CPEB4: variants seen among roughly 807,000 people sequenced by gnomAD.
The protein encoded by CPEB4 is cytoplasmic polyadenylation element-binding protein 4.
In CPEB4, 12 loss-of-function variants were observed where a neutral mutation model predicts 72.5. The observed-to-expected ratio is 0.17, with a 90% CI of 0.11 to 0.27. The LOEUF is 0.27. CPEB4 is among the 10% of genes least tolerant of loss of function. CPEB4 has a pLI of 1.00. For missense variants in CPEB4, 614 were observed against 908.5 expected (o/e 0.68, Z 4.17); for synonymous variants, 302 against 326.3 (o/e 0.93, Z 0.80).
chr5:173,944,979 T>C lies in CPEB4; in HGVS notation c.1295T>C (p.Leu432Pro). The stretch of plus-strand genomic sequence containing the variant: ...CTTTCTATTCCAGGTCAGTCTTCAC[T>C]GTTTCCAATGGAAGATGGATTCTTG... ...TYGRRRGQSS[L>P]FPMEDGFLDD... Residue 432 changes from leucine to proline, a missense_variant, in exon 5 of 10, where the codon CTG becomes CCG. By Grantham distance (98) the Leu-to-Pro change is moderately conservative. Transcript: ENST00000265085. The C allele has an allele frequency of 1.2e-6, 2 of 1,612,684 alleles. No individual in the cohort carries two copies. Among genetic ancestry groups the C allele is most frequent in the Non-Finnish European group, 1.7e-6 (2 of 1,178,988 alleles).
chr5:173,909,577 A>T (rs967645906), intron 1 of CPEB4, among the ~76,000 whole-genome samples: 1 of 152,044 alleles, frequency 6.6e-6, no homozygotes, highest in African/African-American at 2.4e-5. Flanking sequence ...ATTTTTTTTC[A>T]ACTTTCTATA....
At chr5:173,926,791 G>A (rs1216242405) in intron 2 of CPEB4, among the ~76,000 whole-genome samples, 1 of 152,196 alleles carries the variant, frequency 6.6e-6, no homozygotes, top group African/African-American at 2.4e-5. Context: ...AAATCCTAAT[G>A]CCTTCCTTCT....
In CPEB4 at chr5:173,944,994, A is replaced by G. The variant is rs777103530; in HGVS notation, c.1310A>G (p.Asp437Gly). 1.2e-6 allele frequency: 2 copies of G among 1,612,738 alleles called. No individual in the cohort carries two copies. Among genetic ancestry groups the G allele is most frequent in the African/African-American group, 2.7e-5 (2 of 74,852 alleles). ...CAGTCTTCACTGTTTCCAATGGAAGATGGATTCTTGGATGATGGCCGTGGG... is the reference window on the plus strand; with the variant it reads ...CAGTCTTCACTGTTTCCAATGGAAGGTGGATTCTTGGATGATGGCCGTGGG... ...RGQSSLFPME[D>G]GFLDDGRGDQ... The change falls in exon 5 of 10, where the codon GAT becomes GGT. Residue 437 changes from aspartate to glycine, a missense_variant. Transcript: ENST00000265085.
In CPEB4 at chr5:173,900,624, A is replaced by T. The variant is rs1198884775; in HGVS notation, c.1125+9766A>T. Among the ~76,000 whole-genome samples the T allele has an allele frequency of 6.6e-6, 1 of 152,224 alleles. No individual in the cohort carries two copies. The highest frequency in any genetic ancestry group is 1.5e-5 in the Non-Finnish European group (1 of 68,034). On this transcript the variant is annotated intron_variant, in intron 1 of 9. Transcript: ENST00000265085. This position sits in a 1 kb window ranked among gnomAD's most constrained non-coding sequence, Gnocchi z 4.4. ...TATTAGGGAGAAGTCTTATACTGAT[A>T]GTTTTGGGGTCATAGGTTTGAACAT...
chr5:173,909,278 T>G (rs1756553347), intron 1 of CPEB4, among the ~76,000 whole-genome samples: 1 of 152,242 alleles, frequency 6.6e-6, no homozygotes, highest in African/African-American at 2.4e-5. Context: ...TTTTGCTTTC[T>G]CATCTAAATT....
At chr5:173,942,911 T>G in intron 3 of CPEB4, 115 bp from the exon 4 acceptor site, 1 of 1,004,982 alleles carries the variant, frequency 1.0e-6, no homozygotes, top group Non-Finnish European at 1.5e-6. Context: ...AAGAATATAG[T>G]CACAGTTTTT....
chr5:173,919,149 G>A (rs1756987229), intron 2 of CPEB4, among the ~76,000 whole-genome samples: 1 of 152,082 alleles, frequency 6.6e-6, no homozygotes, highest in African/African-American at 2.4e-5. Flanking sequence ...TTAACTATGT[G>A]TGGTAGATAA....
chr5:173,896,549 G>C (rs1016789675), intron 1 of CPEB4, among the ~76,000 whole-genome samples: 1 of 152,122 alleles, frequency 6.6e-6, no homozygotes, highest in Non-Finnish European at 1.5e-5. Flanking sequence ...ATTGAGAAAG[G>C]CTATTTTGTG....
In CPEB4 at chr5:173,888,423, GGCGGCGGCAGCAGCGGCGACA is replaced by G. The variant is rs1191835412; in HGVS notation, c.-1308_-1288del. ...GGCACCGGGAGGCGGTGGCGGCGGC[GGCGGCGGCAGCAGCGGCGACA>G]GCAGAGGAGGAAGAGGAGGAAGAAG... On this transcript the variant is annotated 5_prime_UTR_variant, in exon 1 of 10. Transcript: ENST00000265085. This position sits in a 1 kb window ranked among gnomAD's most constrained non-coding sequence, Gnocchi z 4.3. The G allele has an allele frequency of 1.1e-5, 5 of 461,050 alleles. No homozygotes were observed. The East Asian group carries it at 1.7e-4, about 16-fold the overall frequency. The allele number at this position is 461,050 out of a possible 1,614,324, so 28.6% of individuals were successfully genotyped here. A position where few individuals can be genotyped will look rare whatever the true frequency, so the allele number is the denominator to read the frequency against.
intron 2 of CPEB4, among the ~76,000 whole-genome samples, chr5:173,926,495 T>A (rs1479051576): frequency 6.6e-6 from 1 of 152,208 alleles, no homozygotes; most frequent in East Asian, 1.9e-4. Flanking sequence ...CTTTTCTAGG[T>A]TGTAGGATTT....
intron 5 of CPEB4, among the ~76,000 whole-genome samples, chr5:173,946,820 A>G (rs1581165670): frequency 6.6e-6 from 1 of 152,276 alleles, no homozygotes; most frequent in Non-Finnish European, 1.5e-5. Flanking sequence ...TACAACTTCC[A>G]TGTTATACTG....
chr5:173,951,032 C>T (rs754635732), intron 7 of CPEB4, among the ~76,000 whole-genome samples: 2 of 152,154 alleles, frequency 1.3e-5, no homozygotes, highest in African/African-American at 4.8e-5. Flanking sequence ...TGGAGCTTCT[C>T]CTGAAGTCTT....
chr5:173,931,006 A>G (rs1029512555), intron 2 of CPEB4, among the ~76,000 whole-genome samples: 1 of 151,922 alleles, frequency 6.6e-6, no homozygotes, highest in African/African-American at 2.4e-5. Flanking sequence ...AAAAAAAAAA[A>G]AAAATTGTAG....
intron 4 of CPEB4, among the ~76,000 whole-genome samples, chr5:173,944,587 A>G (rs1268218189): frequency 6.6e-6 from 1 of 152,140 alleles, no homozygotes; most frequent in Non-Finnish European, 1.5e-5. Context: ...TCAATGTCTT[A>G]CAGCCAAATT....
At chr5:173,935,455 G>A (rs6861681) in intron 3 of CPEB4, among the ~76,000 whole-genome samples, 33,765 of 152,068 alleles carry the variant, frequency 0.22, 4,967 homozygotes, top group Non-Finnish European at 0.31. Flanking sequence ...CTTGTCCACT[G>A]TAATCTATTC....
At chr5:173,953,550 T>C in intron 9 of CPEB4, 1 of 388,106 alleles carries the variant, frequency 2.6e-6, no homozygotes, top group Non-Finnish European at 4.6e-6. Flanking sequence ...TTCATTCACT[T>C]AGTTTGTAAG....
intron 3 of CPEB4, among the ~76,000 whole-genome samples, chr5:173,935,507 C>A (rs530485321): frequency 6.6e-6 from 1 of 152,308 alleles, no homozygotes; most frequent in Non-Finnish European, 1.5e-5. Flanking sequence ...TATAGCCACT[C>A]TGCTTTGTTT....
chr5:173,936,548 C>T (rs1209004901), intron 3 of CPEB4, among the ~76,000 whole-genome samples: 1 of 152,162 alleles, frequency 6.6e-6, no homozygotes, highest in Non-Finnish European at 1.5e-5. Context: ...TAATAGATGC[C>T]TTATACTAGT....
At chr5:173,944,386 G>T (rs1459306347) in intron 4 of CPEB4, among the ~76,000 whole-genome samples, 2 of 151,312 alleles carry the variant, frequency 1.3e-5, no homozygotes, top group South Asian at 2.1e-4. Flanking sequence ...GAGGTGGGAG[G>T]GTCACTTGAG....
Sources: allele counts gnomAD v4.1 joint callset (sites outside exome capture counted in the v4.1 genomes callset), GRCh38; gene constraint gnomAD v4.1.1; non-coding constraint Gnocchi (gnomAD v3.1); transcripts MANE v1.5; gene names NCBI Gene and HGNC (gene_info 2026-07-23, HGNC 2026-07-21).